The following NDUFA5 variants were observed in gnomAD, a reference collection of about 807,000 sequenced individuals.
NDUFA5 encodes the protein NADH:ubiquinone oxidoreductase subunit A5, also known as NADH dehydrogenase [ubiquinone] 1 alpha subcomplex subunit 5.
In NDUFA5, 11 loss-of-function variants were observed where a neutral mutation model predicts 19.8. The ratio of observed to expected loss-of-function variants is 0.56; its 90% CI spans 0.35 to 0.92. The LOEUF is 0.92. NDUFA5 is among the 40% of genes least tolerant of loss of function. NDUFA5 has a pLI of 0.01. For synonymous variants in NDUFA5, 47 were observed against 46.8 expected, an observed-to-expected ratio of 1.00 and a Z score of -0.01; for missense variants, 109 against 134.2, an observed-to-expected ratio of 0.81 and a Z score of 0.93.
At chr7:123,553,693 C>T (rs1230510307) in intron 2 of NDUFA5, among the ~76,000 whole-genome samples, 1 of 152,196 alleles carries the variant, frequency 6.6e-6, no homozygotes, top group Non-Finnish European at 1.5e-5. Context: ...CTTGAGTTTA[C>T]ACTGGCTCCA....
At chr7:123,543,460 T>TA (rs1427444887) in intron 4 of NDUFA5, among the ~76,000 whole-genome samples, 1 of 152,150 alleles carries the variant, frequency 6.6e-6, no homozygotes, top group Non-Finnish European at 1.5e-5. Context: ...ACTGGGGACT[T>TA]GAAATGCAGC....
upstream of NDUFA5, chr7:123,557,890 A>G: frequency 6.2e-7 from 1 of 1,605,848 alleles, no homozygotes; most frequent in Non-Finnish European, 8.5e-7. Context: ...TCACCCTGGA[A>G]ACAGCTTAGC....
At chr7:123,559,214 G>T (rs980546022), upstream of NDUFA5, among the ~76,000 whole-genome samples, 1 of 151,394 alleles carries the variant, frequency 6.6e-6, no homozygotes. Flanking sequence ...AGATAAAATG[G>T]CCAGATTCCT....
chr7:123,570,394 C>G, the NDUFA5 span, among the ~76,000 whole-genome samples: 4 of 151,962 alleles, frequency 2.6e-5, no homozygotes, highest in African/African-American at 9.7e-5. Context: ...TATCACCCAC[C>G]CTGATGTTCC....
the NDUFA5 span, among the ~76,000 whole-genome samples, chr7:123,564,920 CAT>C: frequency 4.1e-4 from 60 of 147,842 alleles, no homozygotes; most frequent in African/African-American, 1.5e-3. Flanking sequence ...CACACACACA[CAT>C]ATATATACAC....
the NDUFA5 span, among the ~76,000 whole-genome samples, chr7:123,590,254 T>C: frequency 6.6e-6 from 1 of 152,230 alleles, no homozygotes; most frequent in South Asian, 2.1e-4. Context: ...GCAAAAATTT[T>C]ATCCCATTCT....
chr7:123,593,984 A>C, the NDUFA5 span, among the ~76,000 whole-genome samples: 1 of 149,988 alleles, frequency 6.7e-6, no homozygotes, highest in Non-Finnish European at 1.5e-5. Flanking sequence ...ATTTCTTTTC[A>C]CTCTTTTTTC....
chr7:123,552,505 A>T (rs1198155829), intron 2 of NDUFA5, among the ~76,000 whole-genome samples: 2 of 151,898 alleles, frequency 1.3e-5, no homozygotes, highest in Non-Finnish European at 2.9e-5. Flanking sequence ...GGGCCAGGGG[A>T]GGGATAGCAT....
chr7:123,546,621 T>C, intron 3 of NDUFA5: 1 of 1,225,310 alleles, frequency 8.2e-7, no homozygotes, highest in Non-Finnish European at 1.1e-6. Context: ...GGTGTTTTTC[T>C]GGCCAATAAA....
chr7:123,555,218 T>C (rs1798494569), intron 2 of NDUFA5: 1 of 152,214 alleles, frequency 6.6e-6, no homozygotes, highest in African/African-American at 2.4e-5. Context: ...CTTTATTCTG[T>C]GGACAATTAA....
the NDUFA5 span, among the ~76,000 whole-genome samples, chr7:123,587,149 A>G: frequency 1.3e-5 from 2 of 151,666 alleles, no homozygotes; most frequent in Admixed American, 6.6e-5. Context: ...TCTGTAGATC[A>G]CTTTGTAGTG....
intron 4 of NDUFA5, among the ~76,000 whole-genome samples, chr7:123,543,279 A>C (rs1413086789): frequency 1.3e-5 from 2 of 152,200 alleles, no homozygotes; most frequent in Non-Finnish European, 2.9e-5. Context: ...ATTATAGGGC[A>C]TGAGGAGGTC....
chr7:123,571,335 T>C, the NDUFA5 span, among the ~76,000 whole-genome samples: 1 of 152,196 alleles, frequency 6.6e-6, no homozygotes, highest in African/African-American at 2.4e-5. Flanking sequence ...AATTATTGTT[T>C]AAAACAAGTG....
chr7:123,568,818 C>G, the NDUFA5 span, among the ~76,000 whole-genome samples: 1 of 151,722 alleles, frequency 6.6e-6, no homozygotes, highest in East Asian at 1.9e-4. Flanking sequence ...AAATGAATAC[C>G]TTAACATAAT....
At chr7:123,542,518 G>A (rs1400656279) in intron 4 of NDUFA5, among the ~76,000 whole-genome samples, 4 of 152,152 alleles carry the variant, frequency 2.6e-5, no homozygotes, top group Non-Finnish European at 5.9e-5. Flanking sequence ...TTGAGCATCA[G>A]AAGTATGTCT....
At chr7:123,570,326 G>A in the NDUFA5 span, among the ~76,000 whole-genome samples, 6 of 151,948 alleles carry the variant, frequency 3.9e-5, no homozygotes, top group East Asian at 3.9e-4. Flanking sequence ...GTGAGCCACC[G>A]CGCCCAGCCT....
the NDUFA5 span, among the ~76,000 whole-genome samples, chr7:123,599,720 A>G: frequency 6.6e-6 from 1 of 152,214 alleles, no homozygotes; most frequent in Non-Finnish European, 1.5e-5. Flanking sequence ...CTTTCATATC[A>G]GTTGCTATAA....
intron 4 of NDUFA5, among the ~76,000 whole-genome samples, chr7:123,544,106 G>T (rs1309281915): frequency 6.6e-6 from 1 of 152,044 alleles, no homozygotes; most frequent in Non-Finnish European, 1.5e-5. Context: ...AAAATTAAAT[G>T]AAACAATTGA....
rs1452123433 is a variant in NDUFA5, at chr7:123,538,375, G to A, written c.*3744C>T. 6.6e-6 allele frequency: 1 copy of A among 152,090 alleles called. No individual in the cohort carries two copies. The highest frequency in any genetic ancestry group is 1.5e-5 in the Non-Finnish European group (1 of 68,030). 9.4% of individuals were successfully genotyped at this position (152,090 alleles called of 1,614,324 possible). A position where few individuals can be genotyped will look rare whatever the true frequency, so the allele number is the denominator to read the frequency against. ...CTAGTCTCTCAAATGAATTCTTCCT[G>A]TCCCCATCAATCATTCAAACCCCTT... On this transcript the variant is annotated 3_prime_UTR_variant, in exon 5 of 5. Transcript: ENST00000355749.
Sources: allele counts gnomAD v4.1 joint callset (sites outside exome capture counted in the v4.1 genomes callset), GRCh38; gene constraint gnomAD v4.1.1; transcripts MANE v1.5; gene names NCBI Gene and HGNC (gene_info 2026-07-23, HGNC 2026-07-21).